The following ADK variants were observed in gnomAD, a reference collection of about 807,000 sequenced individuals.
ADK encodes the protein N6,N6-dimethyladenosine kinase.
Under a neutral mutation model 44.7 loss-of-function variants are expected in ADK, and 24 were observed. The observed-to-expected ratio is 0.54, with a 90% CI of 0.39 to 0.76. ADK has a LOEUF of 0.76. Ranked by LOEUF, ADK falls within the 30% of genes least tolerant of loss-of-function variation. ADK has a pLI of 0.00. For synonymous variants in ADK, 128 were observed against 142.6 expected, an observed-to-expected ratio of 0.90 and a Z score of 0.73; for missense variants, 321 against 425.1, an observed-to-expected ratio of 0.76 and a Z score of 2.15.
chr10:74,462,629 A>T (rs1198300306), intron 6 of ADK, among the ~76,000 whole-genome samples: 1 of 152,190 alleles, frequency 6.6e-6, no homozygotes, highest in Non-Finnish European at 1.5e-5. Flanking sequence ...TTCAAAATGA[A>T]AGAACAAGAT....
chr10:74,373,857 A>G (rs1352185178), intron 4 of ADK, among the ~76,000 whole-genome samples: 2 of 152,226 alleles, frequency 1.3e-5, no homozygotes, highest in Admixed American at 6.5e-5. Context: ...AGCATTATGT[A>G]TAATAGCCTA....
chr10:74,276,175 C>T (rs1013631789), intron 3 of ADK, among the ~76,000 whole-genome samples: 1 of 152,096 alleles, frequency 6.6e-6, no homozygotes, highest in Non-Finnish European at 1.5e-5. Flanking sequence ...AATAGCTTTC[C>T]CCTAAATCTG....
intron 9 of ADK, among the ~76,000 whole-genome samples, chr10:74,649,144 C>T (rs757498655): frequency 4.6e-5 from 7 of 151,978 alleles, no homozygotes; most frequent in South Asian, 2.1e-4. Flanking sequence ...ACCTGGGAGG[C>T]GGAGTTTGCA....
chr10:74,495,626 G>A (rs1847657880), intron 6 of ADK, among the ~76,000 whole-genome samples: 1 of 152,164 alleles, frequency 6.6e-6, no homozygotes, highest in Admixed American at 6.5e-5. Flanking sequence ...AGCCCAGCCT[G>A]TTCTTAGTTC....
At chr10:74,196,618 C>T (rs1437466084) in intron 1 of ADK, among the ~76,000 whole-genome samples, 1 of 152,152 alleles carries the variant, frequency 6.6e-6, no homozygotes, top group Non-Finnish European at 1.5e-5. Context: ...TAAACAGATT[C>T]ACAAAGTGAA....
chr10:74,229,384 T>C lies in ADK; in HGVS notation c.194+4793T>C, dbSNP rs1311791790. 2.0e-5 allele frequency among the ~76,000 whole-genome samples: 3 copies of C among 147,792 alleles called. No homozygotes were observed. The East Asian group carries it at 5.9e-4, about 29-fold the overall frequency. On this transcript the variant is annotated intron_variant, in intron 3 of 10. Coordinates refer to ENST00000539909, the MANE Select transcript of ADK (RefSeq NM_006721.4). ...CAGGGAAGTTAGAGACAATAACATC[T>C]GGTATGCTTTTTTTTTTTTTTTTTT...
At chr10:74,157,716 T>TA (rs35499084) in intron 1 of ADK, among the ~76,000 whole-genome samples, 71,857 of 133,716 alleles carry the variant, frequency 0.54, 19,928 homozygotes, top group Middle Eastern at 0.63. Flanking sequence ...CCATCTTTAC[T>TA]AAAAAAAAAA....
chr10:74,594,671 T>TAAAAAAAAAAAAAAAAA (rs10709030), intron 8 of ADK, among the ~76,000 whole-genome samples: 1 of 131,412 alleles, frequency 7.6e-6, no homozygotes, highest in Non-Finnish European at 1.7e-5. Context: ...TACAAATAGG[T>TAAAAAAAAAAAAAAAAA]AAAAAAAAAA....
chr10:74,617,121 A>G (rs1852795350), intron 9 of ADK, among the ~76,000 whole-genome samples: 1 of 152,206 alleles, frequency 6.6e-6, no homozygotes, highest in African/African-American at 2.4e-5. Context: ...CTGTGAATAA[A>G]AATAATTTGC....
intron 1 of ADK, among the ~76,000 whole-genome samples, chr10:74,180,037 TTGTTTTA>T (rs1380912706): frequency 1.3e-5 from 2 of 152,106 alleles, no homozygotes; most frequent in Non-Finnish European, 2.9e-5. Context: ...TCCAATGTTC[TTGTTTTA>T]TACCACCCTT....
intron 7 of ADK, among the ~76,000 whole-genome samples, chr10:74,577,114 G>C (rs956442266): frequency 1.5e-4 from 19 of 127,726 alleles, no homozygotes; most frequent in African/African-American, 5.4e-4. Context: ...ATTTCTCTGT[G>C]TGTGTGTGTG....
chr10:74,570,827 G>C (rs1850926882), intron 7 of ADK, among the ~76,000 whole-genome samples: 1 of 152,112 alleles, frequency 6.6e-6, no homozygotes, highest in Non-Finnish European at 1.5e-5. Flanking sequence ...ACACTATGTT[G>C]AATAGGAGTG....
chr10:74,620,025 C>G (rs1022322343), intron 9 of ADK, among the ~76,000 whole-genome samples: 1 of 152,112 alleles, frequency 6.6e-6, no homozygotes, highest in Non-Finnish European at 1.5e-5. Context: ...CCCTGCCCAT[C>G]GTGATGTTTT....
chr10:74,368,040 C>A (rs540051571), intron 4 of ADK, among the ~76,000 whole-genome samples: 1 of 152,254 alleles, frequency 6.6e-6, no homozygotes, highest in African/African-American at 2.4e-5. Flanking sequence ...TAAACAGAAA[C>A]ATACATTTTA....
intron 3 of ADK, among the ~76,000 whole-genome samples, chr10:74,306,550 CTTTG>C (rs953967738): frequency 5.3e-5 from 8 of 152,084 alleles, no homozygotes; most frequent in African/African-American, 9.7e-5. Context: ...CTTATTATAA[CTTTG>C]TTTATTATTA....
At chr10:74,514,736 T>TC (rs1162542127) in intron 6 of ADK, among the ~76,000 whole-genome samples, 1 of 152,210 alleles carries the variant, frequency 6.6e-6, no homozygotes, top group Non-Finnish European at 1.5e-5. Flanking sequence ...TTGATTTTTT[T>TC]CCCACATTTC....
intron 9 of ADK, among the ~76,000 whole-genome samples, chr10:74,663,795 G>T (rs1854841656): frequency 6.6e-6 from 1 of 152,088 alleles, no homozygotes; most frequent in Admixed American, 6.6e-5. Context: ...TGTTAATTAG[G>T]ATTGTTCTAT....
chr10:74,355,249 T>C (rs1842095616), intron 4 of ADK, among the ~76,000 whole-genome samples: 1 of 152,242 alleles, frequency 6.6e-6, no homozygotes, highest in African/African-American at 2.4e-5. Context: ...ATAAACCAAC[T>C]ATTAGTAAAG....
intron 10 of ADK, among the ~76,000 whole-genome samples, chr10:74,695,830 A>G (rs1392983351): frequency 1.3e-5 from 2 of 151,830 alleles, no homozygotes; most frequent in Non-Finnish European, 2.9e-5. Flanking sequence ...TGTAGAGCCG[A>G]GGTTTCAATT....
Sources: allele counts gnomAD v4.1 joint callset (sites outside exome capture counted in the v4.1 genomes callset), GRCh38; gene constraint gnomAD v4.1.1; transcripts MANE v1.5; gene names NCBI Gene and HGNC (gene_info 2026-07-23, HGNC 2026-07-21).